The following LOC128462377 variants were observed in gnomAD, a reference collection of about 807,000 sequenced individuals.
At chr16:89,323,504 C>A in the LOC128462377 span, among the ~76,000 whole-genome samples, 1 of 48,952 alleles carries the variant, frequency 2.0e-5, no homozygotes, top group African/African-American at 1.1e-4. Context: ...GGGCAGAGCC[C>A]AGGGCAGGGG....
chr16:89,356,064 G>A, the LOC128462377 span, among the ~76,000 whole-genome samples: 48 of 152,326 alleles, frequency 3.2e-4, no homozygotes, highest in Non-Finnish European at 6.0e-4. Context: ...CTGGGCACTG[G>A]AGTGAGACTT....
the LOC128462377 span, among the ~76,000 whole-genome samples, chr16:89,323,560 A>AGCCCAGGGCAGGGGG: frequency 4.0e-5 from 1 of 24,958 alleles, no homozygotes; most frequent in African/African-American, 1.4e-4. Flanking sequence ...AGGGGGTCTG[A>AGCCCAGGGCAGGGGG]GCTAAGGGCA....
the LOC128462377 span, among the ~76,000 whole-genome samples, chr16:89,366,101 G>C: frequency 7.4e-6 from 1 of 135,782 alleles, no homozygotes; most frequent in Non-Finnish European, 1.5e-5. Flanking sequence ...CTGCACTCTA[G>C]CCTGGGTGAC....
chr16:89,356,642 G>A, the LOC128462377 span, among the ~76,000 whole-genome samples: 6,896 of 150,750 alleles, frequency 0.046, 268 homozygotes, highest in East Asian at 0.11. Context: ...TTAGCCAGGC[G>A]TGGTGGTGGG....
the LOC128462377 span, among the ~76,000 whole-genome samples, chr16:89,409,709 C>G: frequency 6.6e-6 from 1 of 152,178 alleles, no homozygotes; most frequent in Non-Finnish European, 1.5e-5. Flanking sequence ...CATTACAACA[C>G]TGAAGTTTAG....
the LOC128462377 span, among the ~76,000 whole-genome samples, chr16:89,376,141 G>C: frequency 2.0e-5 from 3 of 152,180 alleles, no homozygotes; most frequent in Non-Finnish European, 4.4e-5. Context: ...TTCCCAAACA[G>C]CACGGATATA....
the LOC128462377 span, among the ~76,000 whole-genome samples, chr16:89,387,763 GAGGCTGAGGC>G: frequency 6.6e-6 from 1 of 151,564 alleles, no homozygotes; most frequent in Non-Finnish European, 1.5e-5. Flanking sequence ...AACACTTTGG[GAGGCTGAGGC>G]AGGTGAATCA....
At chr16:89,368,281 C>T in the LOC128462377 span, among the ~76,000 whole-genome samples, 1,448 of 151,780 alleles carry the variant, frequency 9.5e-3, 28 homozygotes, top group African/African-American at 0.033. Flanking sequence ...CTGCAACCTC[C>T]GCCTCCCAGG....
At chr16:89,407,085 C>G in the LOC128462377 span, among the ~76,000 whole-genome samples, 50 of 151,748 alleles carry the variant, frequency 3.3e-4, no homozygotes, top group South Asian at 6.2e-4. Context: ...ACTCGGGAGG[C>G]TGAGGCTGGT....
chr16:89,379,870 G>A, the LOC128462377 span, among the ~76,000 whole-genome samples: 1 of 152,138 alleles, frequency 6.6e-6, no homozygotes, highest in Non-Finnish European at 1.5e-5. Flanking sequence ...TGAAAATGCA[G>A]AAAAATAAAA....
At chr16:89,384,879 C>CTTTCTTTTTTTTTTTTTT in the LOC128462377 span, among the ~76,000 whole-genome samples, 1 of 49,910 alleles carries the variant, frequency 2.0e-5, no homozygotes, top group African/African-American at 7.9e-5. Flanking sequence ...AAATAGTTTT[C>CTTTCTTTTTTTTTTTTTT]TTTTTTTTTT....
chr16:89,341,425 C>T, the LOC128462377 span, among the ~76,000 whole-genome samples: 7 of 152,204 alleles, frequency 4.6e-5, no homozygotes, highest in African/African-American at 1.7e-4. Context: ...GAACAGACCC[C>T]ACCAAGCAGC....
At chr16:89,414,872 C>T in the LOC128462377 span, among the ~76,000 whole-genome samples, 3 of 152,226 alleles carry the variant, frequency 2.0e-5, no homozygotes, top group Admixed American at 2.0e-4. Context: ...TCACATTCCA[C>T]CCCAAGGAAT....
At chr16:89,372,214 T>C in the LOC128462377 span, among the ~76,000 whole-genome samples, 2 of 152,206 alleles carry the variant, frequency 1.3e-5, no homozygotes, top group Admixed American at 6.5e-5. Context: ...AGATGGATCC[T>C]GACACTCAGA....
At chr16:89,374,328 G>T in the LOC128462377 span, among the ~76,000 whole-genome samples, 1 of 149,438 alleles carries the variant, frequency 6.7e-6, no homozygotes. Flanking sequence ...GGCTCACCAT[G>T]TGTTTTTGTA....
the LOC128462377 span, among the ~76,000 whole-genome samples, chr16:89,352,354 C>T: frequency 6.6e-6 from 1 of 151,680 alleles, no homozygotes; most frequent in Non-Finnish European, 1.5e-5. Flanking sequence ...GGGGTCTAGG[C>T]ACCGCAATGT....
the LOC128462377 span, among the ~76,000 whole-genome samples, chr16:89,321,702 GAA>G: frequency 3.5e-5 from 5 of 144,828 alleles, no homozygotes; most frequent in Admixed American, 2.1e-4. Flanking sequence ...AAAACTCACA[GAA>G]AAAAAAAAAG....
the LOC128462377 span, among the ~76,000 whole-genome samples, chr16:89,394,120 C>A: frequency 1.3e-5 from 2 of 152,178 alleles, no homozygotes; most frequent in East Asian, 3.9e-4. Flanking sequence ...AGGTTCCAGG[C>A]AGGCTTCCCA....
chr16:89,386,445 G>C, the LOC128462377 span, among the ~76,000 whole-genome samples: 1 of 152,154 alleles, frequency 6.6e-6, no homozygotes, highest in Non-Finnish European at 1.5e-5. Flanking sequence ...CTGGTCCCTA[G>C]CAAGAGGCCC....
Sources: gnomAD v4.1 joint callset for allele counts (sites outside exome capture counted in the v4.1 genomes callset) on GRCh38, gnomAD v4.1.1 for gene constraint, MANE v1.5 for transcripts.